The following GRIN2A variants were observed in gnomAD, a reference collection of about 807,000 sequenced individuals.
GRIN2A encodes the protein glutamate receptor ionotropic, NMDA 2A.
GRIN2A carries 22 observed loss-of-function variants against 113.4 expected under a neutral mutation model. The observed-to-expected ratio is 0.19, with a 90% confidence interval of 0.14 to 0.28. The LOEUF (loss-of-function observed/expected upper bound fraction) is 0.28. Ranked by LOEUF, GRIN2A falls within the 10% of genes least tolerant of loss-of-function variation. GRIN2A has a pLI of 1.00. For synonymous variants in GRIN2A, 827 were observed against 738.4 expected (o/e 1.12, Z -1.94); for missense variants, 1,502 against 1,887.0 (o/e 0.80, Z 3.78).
chr16:9,769,773 A>G (rs1286011438), intron 11 of GRIN2A, among the ~76,000 whole-genome samples: 2 of 152,180 alleles, frequency 1.3e-5, no homozygotes, highest in Non-Finnish European at 2.9e-5. Context: ...TATGTTTGCT[A>G]CTATTTACTG....
rs555083718 is a variant in GRIN2A, at chr16:9,900,759, T to C, written c.1008-9659A>G. Among the ~76,000 whole-genome samples, 5 of 152,320 alleles carry C rather than the reference T, an allele frequency of 3.3e-5. No homozygotes were observed. In the South Asian group the frequency reaches 1.0e-3, roughly 32 times the overall value. On this transcript the variant is annotated intron_variant, in intron 3 of 12. Transcript: ENST00000330684. The stretch of plus-strand genomic sequence containing the variant: ...GGTAGTATTTATAACACTGTTAAAA[T>C]AGCACCAAATGCGTCACCATTAACC...
intron 5 of GRIN2A, among the ~76,000 whole-genome samples, chr16:9,845,209 G>A (rs1374281957): frequency 1.3e-5 from 2 of 152,076 alleles, no homozygotes; most frequent in Non-Finnish European, 1.5e-5. Flanking sequence ...AACCAAAAAC[G>A]TGAATTTGAA....
chr16:10,134,688 C>T (rs2049154672), intron 2 of GRIN2A, among the ~76,000 whole-genome samples: 1 of 152,062 alleles, frequency 6.6e-6, no homozygotes, highest in Non-Finnish European at 1.5e-5. Context: ...TCTCTGTTCC[C>T]TTCTGTCCAA....
At chr16:9,898,495 C>A (rs909234283) in intron 3 of GRIN2A, among the ~76,000 whole-genome samples, 1 of 152,164 alleles carries the variant, frequency 6.6e-6, no homozygotes, top group East Asian at 1.9e-4. Context: ...GAGATGTTCT[C>A]TAGACATATT....
intron 4 of GRIN2A, among the ~76,000 whole-genome samples, chr16:9,863,073 C>A (rs1457209535): frequency 6.6e-6 from 1 of 152,184 alleles, no homozygotes; most frequent in East Asian, 1.9e-4. Flanking sequence ...GATCAAACAG[C>A]AAGTGAGAAG....
At chr16:10,043,784 G>A (rs1001312060) in intron 2 of GRIN2A, among the ~76,000 whole-genome samples, 1 of 151,816 alleles carries the variant, frequency 6.6e-6, no homozygotes, top group Non-Finnish European at 1.5e-5. Context: ...TACTCCTTTT[G>A]TTCAGCCCCT....
At chr16:10,117,569 A>G (rs751701010) in intron 2 of GRIN2A, among the ~76,000 whole-genome samples, 27 of 152,186 alleles carry the variant, frequency 1.8e-4, no homozygotes, top group Non-Finnish European at 2.5e-4. Context: ...GTAAAGTCTC[A>G]TTTCACCTCA....
At chr16:10,008,023 A>T (rs1409921080) in intron 2 of GRIN2A, among the ~76,000 whole-genome samples, 2 of 152,152 alleles carry the variant, frequency 1.3e-5, no homozygotes, top group African/African-American at 4.8e-5. Context: ...AGAAAGTTAA[A>T]TTCGATCTTG....
chr16:9,757,373 T>A lies in GRIN2A; in HGVS notation c.*5776A>T, dbSNP rs78296872. ...TAGGGAAGGACTTTTTTTTTTTTTT[T>A]AAAAAAGGTATGCTCATAGAATCAG... On this transcript the variant is annotated 3_prime_UTR_variant, in exon 13 of 13. Coordinates refer to ENST00000330684, the MANE Select transcript of GRIN2A (RefSeq NM_001134407.3). 4,550 of 217,060 alleles carry A rather than the reference T, an allele frequency of 0.021. 153 individuals carry two copies. Among genetic ancestry groups the A allele is most frequent in the East Asian group, 0.14 (1,983 of 14,532 alleles). 13.4% of individuals were successfully genotyped at this position (217,060 alleles called of 1,614,324 possible). A position where few individuals can be genotyped will look rare whatever the true frequency, so the allele number is the denominator to read the frequency against.
chr16:9,903,952 C>T (rs527724582), intron 3 of GRIN2A, among the ~76,000 whole-genome samples: 48 of 152,328 alleles, frequency 3.2e-4, no homozygotes, highest in Non-Finnish European at 5.7e-4. Context: ...ACTGTCAACT[C>T]CCTGAGGATA....
chr16:9,961,597 G>C (rs994726314), intron 2 of GRIN2A, among the ~76,000 whole-genome samples: 2 of 152,172 alleles, frequency 1.3e-5, no homozygotes, highest in African/African-American at 4.8e-5. Context: ...TAGGGAACTA[G>C]AAATGTTCTA....
At chr16:10,111,323 C>T (rs957176707) in intron 2 of GRIN2A, 4 of 382,210 alleles carry the variant, frequency 1.0e-5, no homozygotes, top group Admixed American at 7.5e-5. Flanking sequence ...TCAGCAGCAG[C>T]GGCAGCAGCG....
intron 3 of GRIN2A, among the ~76,000 whole-genome samples, chr16:9,920,722 A>G (rs1351703452): frequency 2.6e-5 from 4 of 151,506 alleles, no homozygotes; most frequent in African/African-American, 9.7e-5. Flanking sequence ...GCACGCCACC[A>G]CTCCCGGCTA....
chr16:10,039,804 G>GGGAGA (rs1567253902), intron 2 of GRIN2A, among the ~76,000 whole-genome samples: 1 of 56,110 alleles, frequency 1.8e-5, no homozygotes, highest in African/African-American at 9.8e-5. Context: ...GAGGGGGAGG[G>GGGAGA]GGGGGAGAAA....
chr16:10,037,575 G>A (rs940772551), intron 2 of GRIN2A, among the ~76,000 whole-genome samples: 1 of 151,962 alleles, frequency 6.6e-6, no homozygotes, highest in Non-Finnish European at 1.5e-5. Flanking sequence ...GATATTCAAG[G>A]GTCTTCATTC....
intron 3 of GRIN2A, among the ~76,000 whole-genome samples, chr16:9,907,322 A>G (rs138918010): frequency 5.4e-4 from 83 of 152,364 alleles, no homozygotes; most frequent in Non-Finnish European, 7.5e-4. Context: ...GAACAGCTTG[A>G]ATGAATTGCA....
At chr16:10,151,664 CATTTTT>C (rs2049577325) in intron 2 of GRIN2A, among the ~76,000 whole-genome samples, 1 of 152,164 alleles carries the variant, frequency 6.6e-6, no homozygotes, top group African/African-American at 2.4e-5. Context: ...AGTTTCCTCT[CATTTTT>C]ATCATAATTA....
intron 10 of GRIN2A, among the ~76,000 whole-genome samples, chr16:9,807,154 G>T (rs2041987431): frequency 6.9e-6 from 1 of 144,752 alleles, no homozygotes; most frequent in Non-Finnish European, 1.5e-5. Context: ...TCCAGTATCG[G>T]GTATGTCTTT....
At chr16:9,987,032 C>A (rs368726844) in intron 2 of GRIN2A, among the ~76,000 whole-genome samples, 1 of 152,054 alleles carries the variant, frequency 6.6e-6, no homozygotes, top group African/African-American at 2.4e-5. Flanking sequence ...ATATTCTGAA[C>A]CAGCATACTT....
Sources: allele counts gnomAD v4.1 joint callset (sites outside exome capture counted in the v4.1 genomes callset), GRCh38; gene constraint gnomAD v4.1.1; transcripts MANE v1.5; gene names NCBI Gene and HGNC (gene_info 2026-07-23, HGNC 2026-07-21).